The following PHLPP1 variants were observed in gnomAD, a reference collection of about 807,000 sequenced individuals.
The protein encoded by PHLPP1 is PH domain leucine-rich repeat-containing protein phosphatase 1.
Under a neutral mutation model 117.2 loss-of-function variants are expected in PHLPP1, and 42 were observed. That is an observed-to-expected ratio of 0.36 (90% confidence interval 0.28 to 0.46). The LOEUF (loss-of-function observed/expected upper bound fraction) is 0.46, where lower values mean the gene tolerates loss of function less well. Ranked by LOEUF, PHLPP1 falls within the 20% of genes least tolerant of loss-of-function variation. The probability of loss-of-function intolerance (pLI) is 1.00; values close to 1 mark genes in which losing one functional copy is unlikely to be tolerated. For synonymous variants in PHLPP1, 1,042 were observed against 970.7 expected (o/e 1.07, Z -1.37); for missense variants, 2,084 against 2,241.9 (o/e 0.93, Z 1.42).
chr18:62,717,287 G>T (rs768735909), intron 1 of PHLPP1, 28 bp downstream of exon 1: 1 of 1,537,280 alleles, frequency 6.5e-7, no homozygotes, highest in South Asian at 1.3e-5. Context: ...CTTGACGGGT[G>T]GTTGCAAAAG....
chr18:62,800,827 A>G (rs1913756431), intron 1 of PHLPP1, among the ~76,000 whole-genome samples: 1 of 151,936 alleles, frequency 6.6e-6, no homozygotes, highest in Non-Finnish European at 1.5e-5. Flanking sequence ...CTTAATAGTG[A>G]GCTTTTGTAA....
intron 1 of PHLPP1, among the ~76,000 whole-genome samples, chr18:62,733,387 T>C (rs1911280517): frequency 1.3e-5 from 2 of 152,234 alleles, no homozygotes; most frequent in South Asian, 2.1e-4. Flanking sequence ...TATGTAATGC[T>C]GTTACAAACT....
chr18:62,942,057 T>G, intron 11 of PHLPP1, 139 bp downstream of exon 11: 1 of 646,688 alleles, frequency 1.5e-6, no homozygotes, highest in Non-Finnish European at 2.6e-6. Flanking sequence ...GTTTCCTTTA[T>G]GTAAGCTATG....
At chr18:62,861,875 G>A (rs1915640533) in intron 4 of PHLPP1, among the ~76,000 whole-genome samples, 2 of 152,064 alleles carry the variant, frequency 1.3e-5, no homozygotes, top group South Asian at 2.1e-4. Flanking sequence ...AACCCTATTC[G>A]TGAGCTTTTT....
At chr18:62,772,536 T>A (rs1429219298) in intron 1 of PHLPP1, among the ~76,000 whole-genome samples, 1 of 152,122 alleles carries the variant, frequency 6.6e-6, no homozygotes, top group Non-Finnish European at 1.5e-5. Flanking sequence ...TTTTAAAAAA[T>A]AATTAAATTT....
Position 62,978,870 on chromosome 18 carries a change from A to C in PHLPP1, c.4593A>C (p.Leu1531=). 1 of 1,607,212 alleles carries C rather than the reference A, an allele frequency of 6.2e-7. No homozygotes were observed. The highest frequency in any genetic ancestry group is 8.5e-7 in the Non-Finnish European group (1 of 1,176,978). The change falls in exon 17 of 17, where the codon CTA becomes CTC. Residue 1531 remains leucine, a synonymous_variant. Transcript: ENST00000262719. This position sits in a 1 kb window ranked among gnomAD's most constrained non-coding sequence, Gnocchi z 7.0. The part of the protein sequence containing the change: ...ICLSNSFQRQ[L]SSATFSSAFS... ...TGTCCAACTCCTTCCAGCGCCAGCT[A>C]TCCAGCGCCACGTTCTCTAGCGCCT...
chr18:62,851,581 C>T (rs1000432941), intron 3 of PHLPP1, among the ~76,000 whole-genome samples: 4 of 152,148 alleles, frequency 2.6e-5, no homozygotes, highest in African/African-American at 4.8e-5. Flanking sequence ...TTGCCTCAGT[C>T]TCCTGAGTAG....
intron 13 of PHLPP1, among the ~76,000 whole-genome samples, chr18:62,959,513 A>G (rs539202559): frequency 2.0e-5 from 3 of 152,202 alleles, no homozygotes; most frequent in Non-Finnish European, 4.4e-5. Context: ...TATTCTCTGG[A>G]TAATAGTATT....
chr18:62,863,821 A>T (rs1002136154), intron 4 of PHLPP1, among the ~76,000 whole-genome samples: 1 of 151,988 alleles, frequency 6.6e-6, no homozygotes, highest in Non-Finnish European at 1.5e-5. Context: ...GATCTTTGTG[A>T]CCTGTATCTT....
chr18:62,953,160 A>G (rs894219949), intron 12 of PHLPP1, among the ~76,000 whole-genome samples: 9 of 152,340 alleles, frequency 5.9e-5, no homozygotes, highest in Admixed American at 3.9e-4. Flanking sequence ...TTATTTTACT[A>G]TTAAGCTAAA....
intron 10 of PHLPP1, among the ~76,000 whole-genome samples, chr18:62,923,950 G>GT (rs773149897): frequency 7.9e-4 from 121 of 152,332 alleles, no homozygotes; most frequent in Admixed American, 1.8e-3. Context: ...ATCTCAATGA[G>GT]TTTAAATCAC....
chr18:62,793,465 C>T (rs1320876926), intron 1 of PHLPP1, among the ~76,000 whole-genome samples: 1 of 152,212 alleles, frequency 6.6e-6, no homozygotes, highest in Admixed American at 6.5e-5. Flanking sequence ...TATAGTTTAG[C>T]GCTGGCCATT....
At chr18:62,929,906 A>G (rs1012146842) in intron 10 of PHLPP1, among the ~76,000 whole-genome samples, 4 of 152,172 alleles carry the variant, frequency 2.6e-5, no homozygotes, top group Admixed American at 6.5e-5. Flanking sequence ...GCAGTGAGCT[A>G]TGATTGGACC....
chr18:62,861,235 G>C (rs1333693782), intron 4 of PHLPP1, among the ~76,000 whole-genome samples: 1 of 151,968 alleles, frequency 6.6e-6, no homozygotes, highest in Non-Finnish European at 1.5e-5. Context: ...TCAGCCTCCC[G>C]AGTAGCTGGG....
At chr18:62,861,256 C>A (rs550043539) in intron 4 of PHLPP1, among the ~76,000 whole-genome samples, 6 of 152,140 alleles carry the variant, frequency 3.9e-5, no homozygotes, top group Non-Finnish European at 8.8e-5. Context: ...ATTACAGGCG[C>A]CCACGCCCTC....
intron 10 of PHLPP1, among the ~76,000 whole-genome samples, chr18:62,930,549 G>C (rs886763867): frequency 6.6e-5 from 10 of 152,154 alleles, no homozygotes; most frequent in African/African-American, 2.4e-4. Context: ...CAACATCAGA[G>C]CATCCAGATT....
chr18:62,793,255 C>T (rs190278225), intron 1 of PHLPP1, among the ~76,000 whole-genome samples: 3 of 152,316 alleles, frequency 2.0e-5, no homozygotes, highest in African/African-American at 7.2e-5. Flanking sequence ...TCATGATCAA[C>T]AAGTCACCTA....
At chr18:62,836,587 C>T (rs1914910975) in intron 2 of PHLPP1, among the ~76,000 whole-genome samples, 3 of 151,642 alleles carry the variant, frequency 2.0e-5, no homozygotes, top group African/African-American at 7.3e-5. Context: ...TCATGTGGGT[C>T]TTGGTTATAC....
Position 62,804,893 on chromosome 18 carries a change from T to G in PHLPP1, c.1577-25142T>G, listed in dbSNP as rs182569086. ...TATACAGTATAATATACACTGCATA[T>G]ATTATACATATACAGTATAATATAC... On this transcript the variant is annotated intron_variant, in intron 1 of 16. Transcript: ENST00000262719. 5.7e-4 allele frequency among the ~76,000 whole-genome samples: 84 copies of G among 148,156 alleles called. No homozygotes were observed. The East Asian group carries it at 7.4e-3, about 13-fold the overall frequency.
Sources: allele counts gnomAD v4.1 joint callset (sites outside exome capture counted in the v4.1 genomes callset), GRCh38; gene constraint gnomAD v4.1.1; non-coding constraint Gnocchi (gnomAD v3.1); transcripts MANE v1.5; gene names NCBI Gene and HGNC (gene_info 2026-07-23, HGNC 2026-07-21).